KALRN: variants seen among roughly 807,000 people sequenced by gnomAD.
KALRN encodes the protein kalirin.
Under a neutral mutation model 353.7 loss-of-function variants are expected in KALRN, and 70 were observed. That is an observed-to-expected ratio of 0.20 (90% CI 0.16 to 0.24). The LOEUF (loss-of-function observed/expected upper bound fraction) is 0.24, where lower values mean the gene tolerates loss of function less well. KALRN is among the 10% of genes least tolerant of loss of function. The pLI, the probability that KALRN is intolerant of heterozygous loss-of-function variation, is 1.00. For missense variants in KALRN, 2,791 were observed against 3,756.7 expected, an observed-to-expected ratio of 0.74 and a Z score of 6.72; for synonymous variants, 1,391 against 1,434.8, an observed-to-expected ratio of 0.97 and a Z score of 0.69.
intron 1 of KALRN, among the ~76,000 whole-genome samples, chr3:124,081,263 T>C (rs559055137): frequency 4.3e-4 from 66 of 152,338 alleles, no homozygotes; most frequent in African/African-American, 1.5e-3. Context: ...AATGTGTTTA[T>C]GTACCTCCAT....
chr3:124,345,487 TCCTTTCAGTGCTG>T (rs548661210), intron 9 of KALRN, among the ~76,000 whole-genome samples: 108 of 152,294 alleles, frequency 7.1e-4, no homozygotes, highest in African/African-American at 2.5e-3. Context: ...CATGTAAAGT[TCCTTTCAGTGCTG>T]CCTTTCAGTG....
chr3:124,232,884 A>AG (rs1560304852), intron 2 of KALRN, among the ~76,000 whole-genome samples: 1 of 151,298 alleles, frequency 6.6e-6, no homozygotes, highest in Admixed American at 6.6e-5. Flanking sequence ...CAGACAGGGA[A>AG]AAAAAAAAGC....
At chr3:124,048,779 G>A (rs553424242) in intron 1 of KALRN, among the ~76,000 whole-genome samples, 3 of 152,234 alleles carry the variant, frequency 2.0e-5, no homozygotes, top group African/African-American at 7.2e-5. Flanking sequence ...CACCGCACCC[G>A]GCCACCTCAT....
rs35522040 is a variant in KALRN, at chr3:124,254,422, C to CA, written c.264-10048dup. Among the ~76,000 whole-genome samples, 730 of 121,192 alleles carry CA rather than the reference C, an allele frequency of 6.0e-3. 23 individuals carry two copies. The highest frequency in any genetic ancestry group is 0.022 in the African/African-American group (641 of 28,612). 79.5% of individuals were successfully genotyped at this position (121,192 alleles called of 152,430 possible). The stretch of plus-strand genomic sequence containing the variant: ...TCAAGTGTTCTATGCATCTATGAAG[C>CA]AAAAAAAAAAAAAAAAAAAAAAAAA... On this transcript the variant is annotated intron_variant, in intron 3 of 59. Transcript: ENST00000682506.
At chr3:124,090,275 C>T (rs968805385) in intron 1 of KALRN, among the ~76,000 whole-genome samples, 1 of 152,176 alleles carries the variant, frequency 6.6e-6, no homozygotes, top group African/African-American at 2.4e-5. Context: ...GGTTGTCTTC[C>T]ATGAGCTGGG....
chr3:124,310,550 G>T (rs1261510709), intron 6 of KALRN, among the ~76,000 whole-genome samples: 2 of 152,150 alleles, frequency 1.3e-5, no homozygotes, highest in African/African-American at 2.4e-5. Flanking sequence ...ATGTGATACT[G>T]GCATAAGGAC....
intron 18 of KALRN, among the ~76,000 whole-genome samples, chr3:124,439,554 A>G (rs762985003): frequency 1.1e-4 from 16 of 152,222 alleles, no homozygotes; most frequent in Non-Finnish European, 1.6e-4. Context: ...GATATAAAAC[A>G]TGATTAAAAT....
intron 1 of KALRN, among the ~76,000 whole-genome samples, chr3:124,153,886 T>C (rs2068570761): frequency 1.3e-5 from 2 of 152,032 alleles, no homozygotes; most frequent in South Asian, 4.1e-4. Context: ...GAGCATTTTT[T>C]CATGTGTCTT....
At chr3:124,137,221 A>T (rs543562321) in intron 1 of KALRN, among the ~76,000 whole-genome samples, 2 of 152,308 alleles carry the variant, frequency 1.3e-5, no homozygotes, top group African/African-American at 4.8e-5. Flanking sequence ...TTACGTGTAC[A>T]ACACTGTTCT....
intron 1 of KALRN, among the ~76,000 whole-genome samples, chr3:124,102,422 C>T (rs2061950374): frequency 6.6e-6 from 1 of 152,126 alleles, no homozygotes; most frequent in South Asian, 2.1e-4. Flanking sequence ...CCCTGATGTC[C>T]TCCAGAAAAA....
At chr3:124,124,246 G>A (rs899526524) in intron 1 of KALRN, among the ~76,000 whole-genome samples, 3 of 152,190 alleles carry the variant, frequency 2.0e-5, no homozygotes, top group Non-Finnish European at 4.4e-5. Context: ...CCTCATGGAT[G>A]ACTTTAAAGG....
intron 1 of KALRN, among the ~76,000 whole-genome samples, chr3:124,043,909 G>A (rs2040192090): frequency 6.6e-6 from 1 of 152,068 alleles, no homozygotes; most frequent in Non-Finnish European, 1.5e-5. Flanking sequence ...AGGAGAGAGG[G>A]AGGGAAACTC....
At chr3:124,425,212 C>G (rs2092962472) in intron 15 of KALRN, among the ~76,000 whole-genome samples, 1 of 152,048 alleles carries the variant, frequency 6.6e-6, no homozygotes, top group Non-Finnish European at 1.5e-5. Flanking sequence ...TGGTATAATA[C>G]AGTAGGGTGA....
chr3:124,577,957 C>G (rs376074605), intron 34 of KALRN, among the ~76,000 whole-genome samples: 13 of 152,212 alleles, frequency 8.5e-5, no homozygotes, highest in African/African-American at 2.2e-4. Context: ...TACCTCCTCT[C>G]TCTAATTGAA....
chr3:124,433,518 C>A (rs1006698331), intron 16 of KALRN, among the ~76,000 whole-genome samples: 8 of 151,242 alleles, frequency 5.3e-5, no homozygotes, highest in South Asian at 2.1e-4. Context: ...ATTGCTTGAG[C>A]CCAGTTCAAG....
At chr3:124,376,730 A>T (rs2086640646) in intron 10 of KALRN, among the ~76,000 whole-genome samples, 1 of 152,196 alleles carries the variant, frequency 6.6e-6, no homozygotes, top group Admixed American at 6.5e-5. Context: ...GGGAAATGTG[A>T]CACCTTACTG....
intron 51 of KALRN, among the ~76,000 whole-genome samples, chr3:124,689,488 C>A (rs1316705346): frequency 6.6e-6 from 1 of 152,198 alleles, no homozygotes; most frequent in Non-Finnish European, 1.5e-5. Flanking sequence ...CAGGCGTGAG[C>A]AACCATACCC....
intron 8 of KALRN, 122 bp downstream of exon 8, chr3:124,330,114 C>CTT: frequency 3.8e-6 from 4 of 1,063,984 alleles, no homozygotes; most frequent in Non-Finnish European, 3.9e-6. Context: ...GGCTGTTTTT[C>CTT]TTTTTTTTTG....
At chr3:124,658,409 A>G in intron 41 of KALRN, 22 bp from the exon 42 acceptor site, 1 of 1,578,928 alleles carries the variant, frequency 6.3e-7, no homozygotes, top group Non-Finnish European at 8.7e-7. Flanking sequence ...GACTGTCCAC[A>G]TGTCTCTCTC....
Sources: allele counts gnomAD v4.1 joint callset (sites outside exome capture counted in the v4.1 genomes callset), GRCh38; gene constraint gnomAD v4.1.1; transcripts MANE v1.5; gene names NCBI Gene and HGNC (gene_info 2026-07-23, HGNC 2026-07-21).